DGKI: variants seen among roughly 807,000 people sequenced by gnomAD.
DGKI encodes diacylglycerol kinase iota, also known as DAG kinase iota.
In DGKI, 55 loss-of-function variants were observed where a neutral mutation model predicts 147.5. That is an observed-to-expected ratio of 0.37 (90% CI 0.30 to 0.47). DGKI has a LOEUF of 0.47. DGKI is among the 20% of genes least tolerant of loss of function. DGKI has a pLI of 1.00. For missense variants in DGKI, 1,007 were observed against 1,323.8 expected (o/e 0.76, Z 3.71); for synonymous variants, 469 against 477.1 (o/e 0.98, Z 0.22).
chr7:137,825,018 A>G (rs1226377245), intron 1 of DGKI, among the ~76,000 whole-genome samples: 1 of 152,194 alleles, frequency 6.6e-6, no homozygotes, highest in South Asian at 2.1e-4. Flanking sequence ...TTCAGTGAAC[A>G]TATGTATGCA....
chr7:137,425,362 CA>C (rs1812755027), intron 28 of DGKI, among the ~76,000 whole-genome samples: 1 of 152,172 alleles, frequency 6.6e-6, no homozygotes, highest in Non-Finnish European at 1.5e-5. Context: ...GGAAAACTAA[CA>C]AACAGAAAGG....
At chr7:137,629,591 C>T (rs10255024) in intron 6 of DGKI, among the ~76,000 whole-genome samples, 4,574 of 152,282 alleles carry the variant, frequency 0.03, 200 homozygotes, top group African/African-American at 0.1. Flanking sequence ...ACCAACCTAA[C>T]TGAAAACTTT....
At chr7:137,533,591 T>C (rs1256041579) in intron 20 of DGKI, among the ~76,000 whole-genome samples, 1 of 152,128 alleles carries the variant, frequency 6.6e-6, no homozygotes, top group African/African-American at 2.4e-5. Flanking sequence ...TTGTTTTACT[T>C]TTCCTGGACA....
intron 23 of DGKI, among the ~76,000 whole-genome samples, chr7:137,471,835 C>T (rs988200542): frequency 6.8e-6 from 1 of 147,238 alleles, no homozygotes; most frequent in African/African-American, 2.5e-5. Flanking sequence ...ATAAATATAT[C>T]CATATAGCTA....
chr7:137,711,668 A>G (rs1005083706), intron 1 of DGKI, among the ~76,000 whole-genome samples: 25 of 150,862 alleles, frequency 1.7e-4, no homozygotes, highest in Admixed American at 2.0e-4. Flanking sequence ...CCTCATCCGT[A>G]AAATGGGGAT....
intron 28 of DGKI, among the ~76,000 whole-genome samples, chr7:137,416,509 G>A (rs1196556234): frequency 6.6e-6 from 1 of 152,292 alleles, no homozygotes; most frequent in Non-Finnish European, 1.5e-5. Context: ...CTCAGGTAAC[G>A]CGATCCAAGG....
intron 20 of DGKI, among the ~76,000 whole-genome samples, chr7:137,548,155 A>G (rs1398397567): frequency 1.3e-5 from 2 of 152,240 alleles, no homozygotes; most frequent in Non-Finnish European, 2.9e-5. Context: ...AGTCAGAAGC[A>G]TATTTTAGTA....
chr7:137,446,985 T>G (rs907118409), intron 27 of DGKI, among the ~76,000 whole-genome samples: 2 of 152,226 alleles, frequency 1.3e-5, no homozygotes, highest in African/African-American at 4.8e-5. Flanking sequence ...GGAGCAAGCA[T>G]CTGCCCTTAT....
chr7:137,846,649 T>G lies in DGKI; in HGVS notation c.214A>C (p.Ser72Arg). 9.4e-7 allele frequency: 1 copy of G among 1,063,268 alleles called. No homozygotes were observed. Among genetic ancestry groups the G allele is most frequent in the South Asian group, 3.6e-5 (1 of 28,096 alleles). 65.9% of individuals were successfully genotyped at this position (1,063,268 alleles called of 1,614,324 possible). Residue 72 changes from serine (S) to arginine (R), a missense_variant, in exon 1 of 33, where the codon AGC (serine) becomes CGC (arginine). By Grantham distance (110) the Ser-to-Arg change is moderately radical. This residue lies in a region of DGKI where 137 missense variants were observed against 114.4 expected (regional missense o/e 1.20). Transcript: ENST00000614521. The surrounding 1 kb of genome is among the most constrained non-coding windows in gnomAD (Gnocchi z 4.0). Reference sequence around the variant, plus strand: ...CAGCAGCTCCCGGCGCCGCTTCCGCTGCTGCTGCTGCCGCCCGTCGCCCCT... The same window carrying G: ...CAGCAGCTCCCGGCGCCGCTTCCGCGGCTGCTGCTGCCGCCCGTCGCCCCT... Reference protein sequence around the residue: ...EKGATGGSSSSGSGAGSCCLG... With the variant: ...EKGATGGSSSRGSGAGSCCLG...
At chr7:137,642,958 G>GTGTA (rs1821688287) in intron 6 of DGKI, among the ~76,000 whole-genome samples, 1 of 151,248 alleles carries the variant, frequency 6.6e-6, no homozygotes, top group South Asian at 2.1e-4. Context: ...GTGTGTGTGT[G>GTGTA]TGTGTGTGTG....
Position 137,770,446 on chromosome 7 carries a change from G to A in DGKI, c.401+76016C>T, listed in dbSNP as rs185686242. On this transcript the variant is annotated intron_variant, in intron 1 of 32. Coordinates refer to ENST00000614521, the MANE Select transcript of DGKI (RefSeq NM_001321708.2). ...ATGTATACCTATGTAACAAACCTAC[G>A]CATTCTACACACATATCCCAAAACT... Among the ~76,000 whole-genome samples, 587 of 151,546 alleles carry A rather than the reference G, an allele frequency of 3.9e-3. 1 individual carries two copies. The highest frequency in any genetic ancestry group is 6.8e-3 in the Middle Eastern group (2 of 294).
At chr7:137,829,085 A>G (rs1005419783) in intron 1 of DGKI, among the ~76,000 whole-genome samples, 1 of 152,206 alleles carries the variant, frequency 6.6e-6, no homozygotes, top group African/African-American at 2.4e-5. Flanking sequence ...ACTATTTTAG[A>G]TGGCAAAACA....
intron 5 of DGKI, among the ~76,000 whole-genome samples, chr7:137,651,687 T>C (rs1190291073): frequency 2.0e-5 from 3 of 151,874 alleles, no homozygotes; most frequent in East Asian, 3.9e-4. Context: ...GAAGAGAACA[T>C]AGAAAAGAAC....
At chr7:137,490,907 T>C (rs1270759103) in intron 21 of DGKI, among the ~76,000 whole-genome samples, 1 of 152,156 alleles carries the variant, frequency 6.6e-6, no homozygotes, top group African/African-American at 2.4e-5. Flanking sequence ...TCTAACTAAG[T>C]GAAAAGAACA....
chr7:137,841,114 T>G (rs963706381), intron 1 of DGKI, among the ~76,000 whole-genome samples: 1 of 152,300 alleles, frequency 6.6e-6, no homozygotes, highest in Non-Finnish European at 1.5e-5. Context: ...CTAGTCTAAG[T>G]CCCAGACCAG....
chr7:137,803,551 T>A (rs1797276824), intron 1 of DGKI, among the ~76,000 whole-genome samples: 1 of 152,218 alleles, frequency 6.6e-6, no homozygotes, highest in Admixed American at 6.5e-5. Flanking sequence ...TTATGATGTC[T>A]ACTAAGACAA....
chr7:137,518,182 G>A (rs201203657), intron 21 of DGKI, among the ~76,000 whole-genome samples: 1 of 152,022 alleles, frequency 6.6e-6, no homozygotes, highest in East Asian at 1.9e-4. Context: ...GCACACTAAT[G>A]TGCCAGACTT....
chr7:137,672,824 A>G (rs1357137213), intron 3 of DGKI, among the ~76,000 whole-genome samples: 1 of 118,224 alleles, frequency 8.5e-6, no homozygotes, highest in Non-Finnish European at 1.6e-5. Flanking sequence ...CTTTTTGCCC[A>G]GGCTGGAGTG....
intron 22 of DGKI, among the ~76,000 whole-genome samples, chr7:137,486,741 A>G (rs1406672528): frequency 6.6e-6 from 1 of 152,166 alleles, no homozygotes; most frequent in African/African-American, 2.4e-5. Flanking sequence ...GTTACAACTC[A>G]GAGGGATTTT....
Sources: gnomAD v4.1 joint callset for allele counts (sites outside exome capture counted in the v4.1 genomes callset) on GRCh38, gnomAD v4.1.1 for gene constraint, gnomAD v4.1.1 regional missense constraint, Gnocchi (gnomAD v3.1) non-coding constraint, MANE v1.5 for transcripts, NCBI Gene and HGNC (gene_info 2026-07-23, HGNC 2026-07-21) for gene names.